The following TMPRSS13 variants were observed in gnomAD, a reference collection of about 807,000 sequenced individuals.
The protein encoded by TMPRSS13 is transmembrane protease serine 13.
In TMPRSS13, 50 loss-of-function variants were observed where a neutral mutation model predicts 68.4. That is an observed-to-expected ratio of 0.73 (90% CI 0.58 to 0.93). TMPRSS13 has a LOEUF of 0.93. Among genes scored for constraint, TMPRSS13 ranks in the 40% least tolerant of loss-of-function variants. TMPRSS13 has a pLI of 0.00. For synonymous variants in TMPRSS13, 267 were observed against 285.8 expected (o/e 0.93, Z 0.66); for missense variants, 615 against 729.2 (o/e 0.84, Z 1.80).
At chr11:117,907,716 GCCTGC>G in intron 9 of TMPRSS13, 1 of 814,728 alleles carries the variant, frequency 1.2e-6, no homozygotes. Flanking sequence ...GCTTCCCCTA[GCCTGC>G]CAGGATGATT....
At chr11:117,919,337 G>T (rs1376963986) in intron 1 of TMPRSS13, among the ~76,000 whole-genome samples, 1 of 152,262 alleles carries the variant, frequency 6.6e-6, no homozygotes, top group East Asian at 1.9e-4. Flanking sequence ...GTAATCGCTA[G>T]TTAAGCACTA....
At chr11:117,925,420 CATTT>C (rs1234513186) in intron 1 of TMPRSS13, among the ~76,000 whole-genome samples, 16 of 150,866 alleles carry the variant, frequency 1.1e-4, no homozygotes, top group African/African-American at 3.9e-4. Context: ...TTCATTCATT[CATTT>C]ATCAAATGCT....
At chr11:117,923,993 G>T (rs930287754) in intron 1 of TMPRSS13, among the ~76,000 whole-genome samples, 1 of 151,814 alleles carries the variant, frequency 6.6e-6, no homozygotes, top group African/African-American at 2.4e-5. Flanking sequence ...CCATCCCTTC[G>T]TAAAGCTACC....
intron 12 of TMPRSS13, 150 bp downstream of exon 12, chr11:117,903,505 C>A (rs2057429525): frequency 3.2e-6 from 5 of 1,546,676 alleles, no homozygotes; most frequent in Non-Finnish European, 4.4e-6. Context: ...GGGATTGACC[C>A]CAGGCATCAC....
rs553050801 is a variant in TMPRSS13, at chr11:117,927,438, G to A, written c.21+1849C>T. ...TGACGGGGAACATGGTCAGTTCTCT[G>A]TCCACCACGACATGCAACTTTCTTT... On this transcript the variant is annotated intron_variant, in intron 1 of 12. Transcript: ENST00000524993. Among the ~76,000 whole-genome samples the A allele has an allele frequency of 3.3e-5, 5 of 152,184 alleles. No homozygotes were observed. The South Asian group carries it at 1.0e-3, about 32-fold the overall frequency.
At chr11:117,916,097 G>A (rs1029733839) in intron 3 of TMPRSS13, among the ~76,000 whole-genome samples, 5 of 152,156 alleles carry the variant, frequency 3.3e-5, no homozygotes, top group African/African-American at 7.2e-5. Context: ...GCCAGCAGAC[G>A]TTTCCACACG....
intron 1 of TMPRSS13, among the ~76,000 whole-genome samples, chr11:117,920,554 G>A (rs142548857): frequency 2.0e-5 from 3 of 151,898 alleles, no homozygotes; most frequent in Admixed American, 6.6e-5. Context: ...GTGCAGTGCC[G>A]CGATCTTGGC....
chr11:117,908,302 C>CA, intron 9 of TMPRSS13: 3 of 560,352 alleles, frequency 5.4e-6, no homozygotes, highest in Middle Eastern at 6.2e-4. Context: ...CGTTTGGCCC[C>CA]TAGGTGCTCA....
chr11:117,924,102 G>A (rs1049337725), intron 1 of TMPRSS13, among the ~76,000 whole-genome samples: 2 of 150,218 alleles, frequency 1.3e-5, no homozygotes, highest in African/African-American at 4.9e-5. Context: ...CCAGCTACTT[G>A]GGAGGCTGAG....
Position 117,914,597 on chromosome 11 carries a change from T to G in TMPRSS13, c.557-83A>C, listed in dbSNP as rs1382685855. On this transcript the variant is annotated intron_variant, in intron 3 of 12. Coordinates refer to ENST00000524993, the MANE Select transcript of TMPRSS13 (RefSeq NM_001077263.3). The surrounding 1 kb of genome is among the most constrained non-coding windows in gnomAD (Gnocchi z 4.2). ...GAGCAGCCCAAGGACCTGGGGGTTC[T>G]GAGACACCGACCTGCAATCCCTCTT... 2.5e-6 allele frequency: 4 copies of G among 1,581,444 alleles called. No homozygotes were observed. The highest frequency in any genetic ancestry group is 1.3e-5 in the African/African-American group (1 of 74,256).
Position 117,917,350 on chromosome 11 carries a change from G to A in TMPRSS13, c.452-76C>T, listed in dbSNP as rs2134906232. On this transcript the variant is annotated intron_variant, in intron 2 of 12. Coordinates refer to ENST00000524993, the MANE Select transcript of TMPRSS13 (RefSeq NM_001077263.3). ...GAGATGGAGAGGGTGGGGGAAACAAGACTGTGGCCCAGGAGGGCCCCGTGA... is the reference window on the plus strand; with the variant it reads ...GAGATGGAGAGGGTGGGGGAAACAAAACTGTGGCCCAGGAGGGCCCCGTGA... The A allele has an allele frequency of 6.5e-6, 8 of 1,221,750 alleles. No individual in the cohort carries two copies. The South Asian group carries it at 9.1e-5, about 14-fold the overall frequency. 75.7% of individuals were successfully genotyped at this position (1,221,750 alleles called of 1,614,324 possible). A position where few individuals can be genotyped will look rare whatever the true frequency, so the allele number is the denominator to read the frequency against.
At chr11:117,917,754 G>A (rs185717052) in intron 2 of TMPRSS13, among the ~76,000 whole-genome samples, 2 of 152,258 alleles carry the variant, frequency 1.3e-5, no homozygotes, top group Admixed American at 6.5e-5. Context: ...CCCAAACTTC[G>A]AGTGATCCTC....
In TMPRSS13 at chr11:117,915,041, C is replaced by T. The variant is rs1023073506; in HGVS notation, c.557-527G>A. On this transcript the variant is annotated intron_variant, in intron 3 of 12. Coordinates refer to ENST00000524993, the MANE Select transcript of TMPRSS13 (RefSeq NM_001077263.3). This position sits in a 1 kb window ranked among gnomAD's most constrained non-coding sequence, Gnocchi z 4.9. ...CTAGGTTTTTTGCTTCTCCCTCTCC[C>T]CTGCGCAAGGGACACCTCTATGCTC... Among the ~76,000 whole-genome samples the T allele has an allele frequency of 6.6e-6, 1 of 152,198 alleles. No homozygotes were observed. The highest frequency in any genetic ancestry group is 2.4e-5 in the African/African-American group (1 of 41,446).
In TMPRSS13 at chr11:117,922,168, G is replaced by A. The variant is rs2057655571; in HGVS notation, c.22-3330C>T. Among the ~76,000 whole-genome samples, 1 of 152,222 alleles carries A rather than the reference G, an allele frequency of 6.6e-6. No homozygotes were observed. The highest frequency in any genetic ancestry group is 1.5e-5 in the Non-Finnish European group (1 of 68,036). ...GACTCTAGCCTCCCACCGCTGGCCTGATCTCACCCTCAGAGTAGAGGCCTT... is the reference window on the plus strand; with the variant it reads ...GACTCTAGCCTCCCACCGCTGGCCTAATCTCACCCTCAGAGTAGAGGCCTT... On this transcript the variant is annotated intron_variant, in intron 1 of 12. Coordinates refer to ENST00000524993, the MANE Select transcript of TMPRSS13 (RefSeq NM_001077263.3). This position sits in a 1 kb window ranked among gnomAD's most constrained non-coding sequence, Gnocchi z 4.2.
At position 117,914,498 on chromosome 11, in the gene TMPRSS13, G is replaced by A. The variant is rs761137855; in HGVS notation, c.573C>T (p.Gly191=). 12 of 1,613,962 alleles carry A rather than the reference G, an allele frequency of 7.4e-6. No individual in the cohort carries two copies. In the African/African-American group the frequency reaches 1.5e-4, roughly 20 times the overall value. Residue 191 remains glycine (G), a synonymous_variant, in exon 4 of 13, where the codon GGC becomes GGT. Coordinates refer to ENST00000524993, the MANE Select transcript of TMPRSS13 (RefSeq NM_001077263.3). The surrounding 1 kb of genome is among the most constrained non-coding windows in gnomAD (Gnocchi z 4.2). ...SLIILFQFWQ[G]HTGIRYKEQR... is the part of the protein sequence containing the mutation. ...GCTCCTTGTACCTGATCCCTGTGTG[G>A]CCCTGCCAGAACTGGACTAGAGAAA...
chr11:117,909,920 G>A lies in TMPRSS13; in HGVS notation c.995C>T (p.Ala332Val), dbSNP rs755017241. ...MTGRIVGGAL[A>V]SDSKWPWQVS... ...TTGCCAAGGCCACTTGCTATCCGAG[G>A]CCAGCGCCCCTCCCACGATCCGCCC... Residue 332 changes from alanine to valine, a missense_variant, in exon 8 of 13, where the codon GCC becomes GTC. Ala to Val is a moderately conservative substitution (Grantham distance 64). Transcript: ENST00000524993. 6.2e-7 allele frequency: 1 copy of A among 1,614,156 alleles called. No individual in the cohort carries two copies. Among genetic ancestry groups the A allele is most frequent in the South Asian group, 1.1e-5 (1 of 91,080 alleles).
chr11:117,919,493 C>T (rs1418684683), intron 1 of TMPRSS13, among the ~76,000 whole-genome samples: 6 of 152,250 alleles, frequency 3.9e-5, no homozygotes, highest in African/African-American at 1.4e-4. Context: ...CTGCCCTTCC[C>T]TCCTGGGGTG....
chr11:117,902,244 A>AT lies in TMPRSS13; in HGVS notation c.1698dup (p.Ser567IlefsTer201). The stretch of plus-strand genomic sequence containing the variant: ...CAGAGCAGCAGGCCAGCTGGTTAGG[A>AT]TTTTCTGAATCGCACCTCGCTCTGA... On this transcript the variant is annotated frameshift_variant, in exon 13 of 13. Transcript: ENST00000524993. LOFTEE classifies it high-confidence loss of function. 1 of 1,613,300 alleles carries AT rather than the reference A, an allele frequency of 6.2e-7. No homozygotes were observed. Among genetic ancestry groups the AT allele is most frequent in the Non-Finnish European group, 8.5e-7 (1 of 1,179,830 alleles).
rs1350096562 is a variant in TMPRSS13, at chr11:117,918,397, C to T, written c.451+12G>A. 1.2e-6 allele frequency: 2 copies of T among 1,611,268 alleles called. No homozygotes were observed. The highest frequency in any genetic ancestry group is 2.7e-5 in the African/African-American group (2 of 74,870). On this transcript the variant is annotated intron_variant, in intron 2 of 12. Coordinates refer to ENST00000524993, the MANE Select transcript of TMPRSS13 (RefSeq NM_001077263.3). ...CCCATCTCTCGTGGCTTCCCTACAG[C>T]ATCCCCCTTACCTGGGCTCTCCCTG...
Sources: allele counts gnomAD v4.1 joint callset (sites outside exome capture counted in the v4.1 genomes callset), GRCh38; gene constraint gnomAD v4.1.1; non-coding constraint Gnocchi (gnomAD v3.1); transcripts MANE v1.5; gene names NCBI Gene and HGNC (gene_info 2026-07-23, HGNC 2026-07-21).